The following KTN1 variants were observed in gnomAD, a reference collection of about 807,000 sequenced individuals.
KTN1 encodes kinectin.
A neutral mutation model predicts 222.5 loss-of-function variants in KTN1; 130 were observed. The observed-to-expected ratio is 0.58, with a 90% CI of 0.51 to 0.68. The LOEUF (loss-of-function observed/expected upper bound fraction) is 0.68. Ranked by LOEUF, KTN1 falls within the 30% of genes least tolerant of loss-of-function variation. The probability of loss-of-function intolerance (pLI) is 0.00; values close to 1 mark genes in which losing one functional copy is unlikely to be tolerated. For synonymous variants in KTN1, 512 were observed against 496.3 expected (o/e 1.03, Z -0.42); for missense variants, 1,508 against 1,500.4 (o/e 1.01, Z -0.08).
chr14:55,673,466 A>G (rs545821966), intron 40 of KTN1: 9 of 369,694 alleles, frequency 2.4e-5, no homozygotes, highest in African/African-American at 1.9e-4. Flanking sequence ...GCTCCTAACA[A>G]TGGCATGTTT....
intron 18 of KTN1, 26 bp downstream of exon 18, chr14:55,641,786 TA>T (rs2041830403): frequency 1.0e-5 from 13 of 1,304,122 alleles, no homozygotes; most frequent in Admixed American, 1.8e-5. Context: ...AATTACAAAG[TA>T]GAAATACTTG....
At chr14:55,584,902 G>A (rs954148545) in intron 1 of KTN1, among the ~76,000 whole-genome samples, 1 of 152,144 alleles carries the variant, frequency 6.6e-6, no homozygotes, top group Non-Finnish European at 1.5e-5. Context: ...GGAGGCCAAG[G>A]TGTGTGGATT....
intron 7 of KTN1, among the ~76,000 whole-genome samples, chr14:55,632,553 C>T (rs976570652): frequency 5.9e-5 from 9 of 151,352 alleles, no homozygotes; most frequent in African/African-American, 2.2e-4. Flanking sequence ...GGGAGTTATT[C>T]GTTAAAAGGT....
rs1018043838 is a variant in KTN1, at chr14:55,639,321, T to C, written c.1823+99T>C. 2.1e-5 allele frequency: 16 copies of C among 755,944 alleles called. No individual in the cohort carries two copies. In the African/African-American group the frequency reaches 2.7e-4, roughly 13 times the overall value. The allele number at this position is 755,944 out of a possible 1,614,324, so 46.8% of individuals were successfully genotyped here. ...GATTAACTTTATACCTCTGACGACC[T>C]GTTCAGAAAATACTCTGAACTAGAT... On this transcript the variant is annotated intron_variant, in intron 13 of 43. Coordinates refer to ENST00000395314, the MANE Select transcript of KTN1 (RefSeq NM_001079521.2).
rs2031022940 is a variant in KTN1, at chr14:55,580,311, C to G, written c.-74C>G. Reference sequence around the variant, plus strand: ...GAGCGGGCGGCCCGGGCTGTAGTGCCGGCGCCGCCGCGTCTTCCCGGTCTC... The same window carrying G: ...GAGCGGGCGGCCCGGGCTGTAGTGCGGGCGCCGCCGCGTCTTCCCGGTCTC... On this transcript the variant is annotated 5_prime_UTR_variant, in exon 1 of 44. Transcript: ENST00000395314. 6.7e-6 allele frequency: 1 copy of G among 149,402 alleles called. No homozygotes were observed. Among genetic ancestry groups the G allele is most frequent in the South Asian group, 1.8e-4 (1 of 5,486 alleles). The allele number at this position is 149,402 out of a possible 1,614,324, so 9.3% of individuals were successfully genotyped here. A position where few individuals can be genotyped will look rare whatever the true frequency, so the allele number is the denominator to read the frequency against.
intron 1 of KTN1, among the ~76,000 whole-genome samples, chr14:55,587,171 G>A (rs2033191456): frequency 6.6e-6 from 1 of 152,048 alleles, no homozygotes; most frequent in Non-Finnish European, 1.5e-5. Context: ...ATGAATGGAT[G>A]GTCTGATGCT....
chr14:55,591,745 T>G (rs1337762324), intron 1 of KTN1, among the ~76,000 whole-genome samples: 1 of 151,882 alleles, frequency 6.6e-6, no homozygotes, highest in African/African-American at 2.4e-5. Flanking sequence ...CCTGGCTAAT[T>G]TTGTATTTTT....
Position 55,675,818 on chromosome 14 carries a change from T to G in KTN1, c.3772-17T>G. On this transcript the variant is annotated splice_polypyrimidine_tract_variant and intron_variant, in intron 40 of 43. Transcript: ENST00000395314. ...GATGCAAATTAAGTTAATTGTGGTGTTCCTTTATTTTTACAGTTGAAGGCA... is the reference window on the plus strand; with the variant it reads ...GATGCAAATTAAGTTAATTGTGGTGGTCCTTTATTTTTACAGTTGAAGGCA... 6.5e-7 allele frequency: 1 copy of G among 1,534,598 alleles called. No homozygotes were observed. The highest frequency in any genetic ancestry group is 9.0e-7 in the Non-Finnish European group (1 of 1,108,370).
intron 1 of KTN1, chr14:55,601,642 T>A (rs1241173627): frequency 6.6e-6 from 1 of 152,236 alleles, no homozygotes; most frequent in Non-Finnish European, 1.5e-5. Context: ...CATTTATTTT[T>A]AAAAATTCTT....
chr14:55,592,812 T>C (rs2034368401), intron 1 of KTN1, among the ~76,000 whole-genome samples: 1 of 152,214 alleles, frequency 6.6e-6, no homozygotes, highest in African/African-American at 2.4e-5. Context: ...ATGGACAAAC[T>C]TCTATGTATA....
chr14:55,661,465 T>C lies in KTN1; in HGVS notation c.3000-57T>C, dbSNP rs760643515. 7 of 869,428 alleles carry C rather than the reference T, an allele frequency of 8.1e-6. No individual in the cohort carries two copies. In the African/African-American group the frequency reaches 1.2e-4, roughly 15 times the overall value. 53.9% of individuals were successfully genotyped at this position (869,428 alleles called of 1,614,324 possible). A position where few individuals can be genotyped will look rare whatever the true frequency, so the allele number is the denominator to read the frequency against. On this transcript the variant is annotated intron_variant, in intron 31 of 43. Transcript: ENST00000395314. ...TAGCAAATGTTGATAGGTAGGGATC[T>C]AAGTTGTATTACTGTTTACCTAAAA...
chr14:55,630,891 A>T lies in KTN1; in HGVS notation c.1221+794A>T, dbSNP rs79334729. 5.9e-5 allele frequency among the ~76,000 whole-genome samples: 9 copies of T among 152,310 alleles called. No individual in the cohort carries two copies. The East Asian group carries it at 1.7e-3, about 29-fold the overall frequency. On this transcript the variant is annotated intron_variant, in intron 7 of 43. Transcript: ENST00000395314. ...TGACAATGAGAGAATGAGTTTGAGT[A>T]TACAAAGAGTTAGTTAGATAGGGCT...
Position 55,653,083 on chromosome 14 carries a change from G to A in KTN1, c.2761G>A (p.Glu921Lys). 6.4e-7 allele frequency: 1 copy of A among 1,573,614 alleles called. No homozygotes were observed. The highest frequency in any genetic ancestry group is 1.1e-5 in the South Asian group (1 of 89,450). Residue 921 changes from glutamate (E) to lysine (K), a missense_variant and splice_region_variant, in exon 27 of 44, where the codon GAG (glutamate) becomes AAG (lysine). Physicochemically the swap from Glu to Lys is moderately conservative, Grantham distance 56. Transcript: ENST00000395314. ...VQEVAQHNLK[E>K]ASSASQFEEL... ...GGAAGTAGCACAACATAACTTGAAA[G>A]AGGTATAGTATAAACAAATTACCAA...
intron 5 of KTN1, among the ~76,000 whole-genome samples, chr14:55,624,920 A>C (rs955502582): frequency 6.6e-6 from 1 of 152,226 alleles, no homozygotes; most frequent in East Asian, 1.9e-4. Context: ...GACTATAAAT[A>C]AGTACCAAAT....
intron 1 of KTN1, among the ~76,000 whole-genome samples, chr14:55,586,875 T>C (rs2033120255): frequency 6.6e-6 from 1 of 152,194 alleles, no homozygotes; most frequent in Non-Finnish European, 1.5e-5. Flanking sequence ...TTTCATTTCC[T>C]GCATATGTTC....
chr14:55,646,230 C>T (rs140288253), intron 18 of KTN1, among the ~76,000 whole-genome samples: 79 of 152,220 alleles, frequency 5.2e-4, no homozygotes, highest in Middle Eastern at 6.8e-3. Context: ...TTGCAATTTA[C>T]AATCAGTTTT....
chr14:55,659,315 T>G (rs1028590787), intron 30 of KTN1, among the ~76,000 whole-genome samples: 11 of 151,794 alleles, frequency 7.2e-5, no homozygotes, highest in African/African-American at 2.2e-4. Context: ...CTGTTTTTTT[T>G]TTTTTTTTTT....
chr14:55,675,723 A>G (rs2045834989), intron 40 of KTN1, 112 bp from the exon 41 acceptor site: 2 of 665,550 alleles, frequency 3.0e-6, no homozygotes, highest in East Asian at 5.6e-5. Context: ...TGGCTAATCC[A>G]CTGTACATAA....
intron 18 of KTN1, among the ~76,000 whole-genome samples, chr14:55,646,291 C>T (rs2042267937): frequency 6.6e-6 from 1 of 151,922 alleles, no homozygotes; most frequent in Admixed American, 6.6e-5. Context: ...ATCTATCTAC[C>T]AAAATTCACT....
Sources: gnomAD v4.1 joint callset for allele counts (sites outside exome capture counted in the v4.1 genomes callset) on GRCh38, gnomAD v4.1.1 for gene constraint, MANE v1.5 for transcripts, NCBI Gene and HGNC (gene_info 2026-07-23, HGNC 2026-07-21) for gene names.